The following SEC31A variants were observed in gnomAD, a reference collection of about 807,000 sequenced individuals.
SEC31A encodes the protein SEC31 homolog A, COPII component, also known as protein transport protein Sec31A.
Under a neutral mutation model 151.0 loss-of-function variants are expected in SEC31A, and 70 were observed. The ratio of observed to expected loss-of-function variants is 0.46; its 90% CI spans 0.38 to 0.57. SEC31A has a LOEUF of 0.57. Ranked by LOEUF, SEC31A falls within the 20% of genes least tolerant of loss-of-function variation. The pLI, the probability that SEC31A is intolerant of heterozygous loss-of-function variation, is 0.00. For missense variants in SEC31A, 1,330 were observed against 1,471.2 expected (o/e 0.90, Z 1.57); for synonymous variants, 475 against 505.9 (o/e 0.94, Z 0.82).
At chr4:82,856,678 A>G (rs1358254232) in intron 16 of SEC31A, among the ~76,000 whole-genome samples, 2 of 152,022 alleles carry the variant, frequency 1.3e-5, no homozygotes, top group African/African-American at 2.4e-5. Context: ...TTGAACCCAG[A>G]AGGTGGAGGT....
chr4:82,873,717 GA>G (rs1737282046), intron 6 of SEC31A, among the ~76,000 whole-genome samples: 2 of 150,890 alleles, frequency 1.3e-5, no homozygotes, highest in African/African-American at 4.9e-5. Flanking sequence ...ACTTATTTTA[GA>G]AAATGTCAAA....
chr4:82,859,719 A>C (rs1482143423), intron 14 of SEC31A, among the ~76,000 whole-genome samples: 1 of 152,208 alleles, frequency 6.6e-6, no homozygotes, highest in African/African-American at 2.4e-5. Flanking sequence ...TTAAGAATTT[A>C]AGTTATTCAC....
chr4:82,839,096 C>A (rs1728133593), intron 22 of SEC31A, among the ~76,000 whole-genome samples: 1 of 152,162 alleles, frequency 6.6e-6, no homozygotes, highest in African/African-American at 2.4e-5. Flanking sequence ...CCTGCCTCAG[C>A]CTCCTGAGTA....
chr4:82,847,595 C>T (rs555413073), intron 20 of SEC31A, among the ~76,000 whole-genome samples: 1 of 152,258 alleles, frequency 6.6e-6, no homozygotes, highest in African/African-American at 2.4e-5. Flanking sequence ...GGCCGGTAAC[C>T]AGCCATGCAA....
intron 2 of SEC31A, among the ~76,000 whole-genome samples, chr4:82,881,395 G>C (rs770381693): frequency 2.6e-5 from 4 of 152,036 alleles, no homozygotes; most frequent in Non-Finnish European, 5.9e-5. Context: ...AACCAGGGAG[G>C]TGGAGCTTGC....
At chr4:82,880,699 T>C in intron 3 of SEC31A, 100 bp downstream of exon 3, 2 of 981,286 alleles carry the variant, frequency 2.0e-6, no homozygotes, top group Non-Finnish European at 1.5e-6. Context: ...CTTGATGGTA[T>C]TCCTTGTAGT....
Position 82,875,834 on chromosome 4 carries a change from A to C in SEC31A, c.403-12T>G. The stretch of plus-strand genomic sequence containing the variant: ...GCTACCAGATTAGTCTGCAAGAAGA[A>C]ACCATAACTAAATAGCACTTATGAA... On this transcript the variant is annotated splice_polypyrimidine_tract_variant and intron_variant, in intron 4 of 26. Transcript: ENST00000395310. The C allele has an allele frequency of 6.9e-7, 1 of 1,451,792 alleles. No individual in the cohort carries two copies. 89.9% of individuals were successfully genotyped at this position (1,451,792 alleles called of 1,614,324 possible).
At chr4:82,884,067 AACG>A (rs1039536447) in intron 1 of SEC31A, among the ~76,000 whole-genome samples, 2 of 144,468 alleles carry the variant, frequency 1.4e-5, no homozygotes, top group African/African-American at 2.6e-5. Flanking sequence ...GGCTCACTGC[AACG>A]TCTGCCTCCG....
chr4:82,870,436 A>G lies in SEC31A; in HGVS notation c.783-12T>C, dbSNP rs1293168285. On this transcript the variant is annotated splice_polypyrimidine_tract_variant and intron_variant, in intron 7 of 26. Transcript: ENST00000395310. ...TTGCCAAAATCCCCCTATAAAAAAC[A>G]TAAAGGAACAAGGAAATTTTTAATC... The G allele has an allele frequency of 1.3e-6, 2 of 1,598,584 alleles. No homozygotes were observed. Among genetic ancestry groups the G allele is most frequent in the Non-Finnish European group, 1.7e-6 (2 of 1,167,924 alleles).
rs56888042 is a variant in SEC31A, at chr4:82,837,199, A to ATATATACATAT, written c.2968+4940_2968+4941insATATGTATATA. Among the ~76,000 whole-genome samples the ATATATACATAT allele has an allele frequency of 1.3e-3, 112 of 83,132 alleles. 8 individuals are homozygous for ATATATACATAT. The highest frequency in any genetic ancestry group is 2.5e-3 in the Non-Finnish European group (102 of 41,042). 54.5% of individuals were successfully genotyped at this position (83,132 alleles called of 152,430 possible). A position where few individuals can be genotyped will look rare whatever the true frequency, so the allele number is the denominator to read the frequency against. ...TATATATATATATATATATATATAT[A>ATATATACATAT]ATTTCACCACAATAAAAACTTTAAT... On this transcript the variant is annotated intron_variant, in intron 22 of 26. Transcript: ENST00000395310.
At chr4:82,862,252 C>CAA (rs70943163) in intron 13 of SEC31A, among the ~76,000 whole-genome samples, 45 of 89,856 alleles carry the variant, frequency 5.0e-4, no homozygotes, top group South Asian at 1.9e-3. Flanking sequence ...TTTTCCTGGC[C>CAA]AAAAAAAAAA....
intron 20 of SEC31A, among the ~76,000 whole-genome samples, chr4:82,845,458 C>A (rs1729852590): frequency 7.1e-6 from 1 of 140,382 alleles, no homozygotes; most frequent in Non-Finnish European, 1.6e-5. Context: ...CTGGAATTCC[C>A]AAAAAAACAA....
chr4:82,827,741 T>G, intron 23 of SEC31A, 109 bp from the exon 24 acceptor site: 1 of 1,034,852 alleles, frequency 9.7e-7, no homozygotes, highest in Non-Finnish European at 1.4e-6. Context: ...AAACAAATTT[T>G]TTAATAGTAG....
At chr4:82,890,961 A>G in intron 1 of SEC31A, 127 bp downstream of exon 1, 1 of 1,451,744 alleles carries the variant, frequency 6.9e-7, no homozygotes, top group Non-Finnish European at 9.1e-7. Flanking sequence ...GCGCGCCGTC[A>G]CCAGAGACCG....
intron 14 of SEC31A, among the ~76,000 whole-genome samples, 190 bp downstream of exon 14, chr4:82,861,441 G>A (rs1734097204): frequency 6.6e-6 from 1 of 152,176 alleles, no homozygotes; most frequent in South Asian, 2.1e-4. Flanking sequence ...AACAAGGTTG[G>A]AGAACTAGAG....
At chr4:82,876,752 T>C (rs1738048184) in intron 4 of SEC31A, among the ~76,000 whole-genome samples, 1 of 152,240 alleles carries the variant, frequency 6.6e-6, no homozygotes. Context: ...AGGAAGATAA[T>C]GGGCTTCATA....
At position 82,842,335 on chromosome 4, in the gene SEC31A, G is replaced by A; in HGVS notation, c.2773C>T (p.Leu925=). 1 of 1,613,630 alleles carries A rather than the reference G, an allele frequency of 6.2e-7. No homozygotes were observed. ...SASSYTGQSQ[L]YAAQHQASSP... ...GAGGCCTGGTGCTGTGCTGCGTACAGCTGAGACTGCCCAGTATAGGAAGAA... is the reference window on the plus strand; with the variant it reads ...GAGGCCTGGTGCTGTGCTGCGTACAACTGAGACTGCCCAGTATAGGAAGAA... The change falls in exon 22 of 27, where the codon CTG becomes TTG. Residue 925 remains leucine (L), a synonymous_variant. Transcript: ENST00000395310.
At chr4:82,861,157 T>A (rs546516642) in intron 14 of SEC31A, among the ~76,000 whole-genome samples, 2 of 152,090 alleles carry the variant, frequency 1.3e-5, no homozygotes, top group Non-Finnish European at 2.9e-5. Flanking sequence ...TTTACAAAAA[T>A]TATCAACTAA....
chr4:82,881,341 T>C (rs1739256976), intron 2 of SEC31A, among the ~76,000 whole-genome samples: 2 of 151,992 alleles, frequency 1.3e-5, no homozygotes, highest in South Asian at 2.1e-4. Flanking sequence ...GGTGGACGCC[T>C]GTAGTCCCAG....
Sources: allele counts gnomAD v4.1 joint callset (sites outside exome capture counted in the v4.1 genomes callset), GRCh38; gene constraint gnomAD v4.1.1; transcripts MANE v1.5; gene names NCBI Gene and HGNC (gene_info 2026-07-23, HGNC 2026-07-21).